Variants in GABPB1 observed in about 807,000 individuals in gnomAD.
GABPB1 encodes the protein GA-binding protein subunit beta-1.
In GABPB1, 15 loss-of-function variants were observed where a neutral mutation model predicts 45.9. The observed-to-expected ratio is 0.33, with a 90% CI of 0.22 to 0.50. GABPB1 has a LOEUF of 0.50. Ranked by LOEUF, GABPB1 falls within the 20% of genes least tolerant of loss-of-function variation. The pLI is 0.98. For synonymous variants in GABPB1, 143 were observed against 154.4 expected, an observed-to-expected ratio of 0.93 and a Z score of 0.55; for missense variants, 252 against 457.5, an observed-to-expected ratio of 0.55 and a Z score of 4.10.
intron 1 of GABPB1, among the ~76,000 whole-genome samples, chr15:50,342,412 C>T (rs1401250630): frequency 6.6e-6 from 1 of 151,904 alleles, no homozygotes; most frequent in Non-Finnish European, 1.5e-5. Flanking sequence ...TTCTAATATA[C>T]CACTCAACAG....
At chr15:50,345,797 C>T (rs920763514) in intron 1 of GABPB1, among the ~76,000 whole-genome samples, 2 of 151,804 alleles carry the variant, frequency 1.3e-5, no homozygotes, top group Non-Finnish European at 1.5e-5. Context: ...CTGCAAGCTC[C>T]GCCTCCCGGG....
chr15:50,328,323 T>G (rs2047839672), intron 1 of GABPB1, among the ~76,000 whole-genome samples: 1 of 152,128 alleles, frequency 6.6e-6, no homozygotes, highest in Non-Finnish European at 1.5e-5. Context: ...CTAGGACACT[T>G]TCCCTTTCTC....
chr15:50,320,919 T>A (rs1038839660), intron 1 of GABPB1, among the ~76,000 whole-genome samples: 2 of 152,120 alleles, frequency 1.3e-5, no homozygotes, highest in Admixed American at 6.6e-5. Context: ...GAAAACAGAT[T>A]ATCTCCTAAA....
chr15:50,332,663 T>G (rs2047986046), intron 1 of GABPB1, among the ~76,000 whole-genome samples: 2 of 152,138 alleles, frequency 1.3e-5, no homozygotes, highest in Admixed American at 1.3e-4. Context: ...ACTTTAGTCA[T>G]GAATTCATAA....
intron 1 of GABPB1, among the ~76,000 whole-genome samples, chr15:50,317,307 A>T (rs1467842327): frequency 2.6e-5 from 4 of 151,416 alleles, no homozygotes; most frequent in Non-Finnish European, 4.4e-5. Context: ...CCGGAGGCTG[A>T]GGCAGAGAAT....
chr15:50,337,353 T>C (rs1288612004), intron 1 of GABPB1, among the ~76,000 whole-genome samples: 1 of 151,832 alleles, frequency 6.6e-6, no homozygotes, highest in Non-Finnish European at 1.5e-5. Context: ...ATTTGTAATT[T>C]TTAAAGCATT....
intron 8 of GABPB1, 46 bp from the exon 9 acceptor site, chr15:50,278,830 ATTATT>A: frequency 2.0e-6 from 3 of 1,482,924 alleles, no homozygotes; most frequent in Non-Finnish European, 2.7e-6. Flanking sequence ...GCAAAAATAC[ATTATT>A]AATACATATA....
At chr15:50,333,927 G>A (rs947266091) in intron 1 of GABPB1, among the ~76,000 whole-genome samples, 1 of 151,772 alleles carries the variant, frequency 6.6e-6, no homozygotes, top group African/African-American at 2.4e-5. Flanking sequence ...CTATTAGGGA[G>A]GCTGAGGCAG....
chr15:50,320,306 T>G (rs2047515378), intron 1 of GABPB1, among the ~76,000 whole-genome samples: 1 of 152,208 alleles, frequency 6.6e-6, no homozygotes, highest in African/African-American at 2.4e-5. Flanking sequence ...TAGCTGGGAT[T>G]ACAGGCATGC....
At chr15:50,332,198 C>G (rs182692002) in intron 1 of GABPB1, among the ~76,000 whole-genome samples, 312 of 152,112 alleles carry the variant, frequency 2.1e-3, no homozygotes, top group South Asian at 3.5e-3. Context: ...CTTTTCTCTC[C>G]TTTGTTGTTG....
chr15:50,307,841 T>G (rs942478043), intron 2 of GABPB1, among the ~76,000 whole-genome samples: 7 of 152,268 alleles, frequency 4.6e-5, no homozygotes, highest in African/African-American at 1.7e-4. Flanking sequence ...CTTTCATCAG[T>G]TCTGGAAAAT....
chr15:50,303,012 C>A lies in GABPB1; in HGVS notation c.388G>T (p.Val130Leu). 1 of 1,613,754 alleles carries A rather than the reference C, an allele frequency of 6.2e-7. No individual in the cohort carries two copies. Among genetic ancestry groups the A allele is most frequent in the South Asian group, 1.1e-5 (1 of 91,062 alleles). ...VELLIKYGAD[V>L]HTQSKFCKTA... ...TTACAAAATTTACTTTGCGTGTGTA[C>A]ATCAGCACCATATTTGATTAAAAGT... The change falls in exon 4 of 9, where the codon GTA (valine) becomes TTA (leucine). Residue 130 changes from valine to leucine, a missense_variant. Coordinates refer to ENST00000380877, the MANE Select transcript of GABPB1 (RefSeq NM_016654.5).
chr15:50,354,018 G>A (rs1278006775), intron 1 of GABPB1: 1 of 219,262 alleles, frequency 4.6e-6, no homozygotes, highest in Non-Finnish European at 9.3e-6. Flanking sequence ...TTTAAAGCAA[G>A]AGTATTTGTA....
chr15:50,334,633 G>A (rs1343442341), intron 1 of GABPB1, among the ~76,000 whole-genome samples: 4 of 148,070 alleles, frequency 2.7e-5, no homozygotes, highest in East Asian at 2.0e-4. Flanking sequence ...TCAGCCTCCG[G>A]AGTAGCTGGG....
At chr15:50,346,064 C>G (rs1387594772) in intron 1 of GABPB1, among the ~76,000 whole-genome samples, 2 of 152,026 alleles carry the variant, frequency 1.3e-5, no homozygotes, top group African/African-American at 4.8e-5. Context: ...AAATAACAAT[C>G]AAAGTGACCA....
intron 2 of GABPB1, 61 bp from the exon 3 acceptor site, chr15:50,304,194 T>C (rs2046860288): frequency 1.5e-6 from 2 of 1,355,692 alleles, no homozygotes; most frequent in Admixed American, 2.7e-5. Context: ...CTTCTGTTTA[T>C]ATAGTAAACA....
intron 8 of GABPB1, among the ~76,000 whole-genome samples, chr15:50,284,726 ATAGT>A (rs1465790090): frequency 1.3e-5 from 2 of 152,212 alleles, no homozygotes; most frequent in South Asian, 2.1e-4. Flanking sequence ...ACTTTATTAG[ATAGT>A]TAAAGCGAAG....
intron 4 of GABPB1, among the ~76,000 whole-genome samples, chr15:50,301,775 CA>C (rs1237574499): frequency 6.6e-6 from 1 of 151,334 alleles, no homozygotes; most frequent in African/African-American, 2.4e-5. Flanking sequence ...AAAACAAAAA[CA>C]AAAACAAAAC....
intron 1 of GABPB1, among the ~76,000 whole-genome samples, chr15:50,317,497 TAA>T (rs1363749247): frequency 1.3e-5 from 2 of 151,996 alleles, no homozygotes; most frequent in African/African-American, 2.4e-5. Flanking sequence ...TACTTTTTTC[TAA>T]GTTTTAATTT....
Sources: gnomAD v4.1 joint callset for allele counts (sites outside exome capture counted in the v4.1 genomes callset) on GRCh38, gnomAD v4.1.1 for gene constraint, MANE v1.5 for transcripts, NCBI Gene and HGNC (gene_info 2026-07-23, HGNC 2026-07-21) for gene names.